The following TAGLN2 variants were observed in gnomAD, a reference collection of about 807,000 sequenced individuals.
TAGLN2 encodes transgelin-2.
A neutral mutation model predicts 24.9 loss-of-function variants in TAGLN2; 14 were observed. That is an observed-to-expected ratio of 0.56 (90% CI 0.37 to 0.88). The LOEUF is 0.88. TAGLN2 is among the 40% of genes least tolerant of loss of function. The pLI, the probability that TAGLN2 is intolerant of heterozygous loss-of-function variation, is 0.00. For synonymous variants in TAGLN2, 77 were observed against 98.2 expected (o/e 0.78, Z 1.28); for missense variants, 208 against 258.9 (o/e 0.80, Z 1.35).
intron 1 of TAGLN2, chr1:159,923,425 T>C (rs1650599104): frequency 6.5e-7 from 1 of 1,549,472 alleles, no homozygotes; most frequent in Admixed American, 2.0e-5. Context: ...GACCCTGGGC[T>C]GGAAGCTTAC....
At position 159,919,259 on chromosome 1, in the gene TAGLN2, C is replaced by G. The variant is rs771683762; in HGVS notation, c.458+15G>C. On this transcript the variant is annotated intron_variant, in intron 4 of 4. Transcript: ENST00000368097. Reference sequence around the variant, plus strand: ...TGCACCTGCTGGACCCTGCGGCTGTCCCAGCAATACTTACTTAGGGAACCA... The same window carrying G: ...TGCACCTGCTGGACCCTGCGGCTGTGCCAGCAATACTTACTTAGGGAACCA... The G allele has an allele frequency of 2.3e-5, 37 of 1,608,508 alleles. No homozygotes were observed. Among genetic ancestry groups the G allele is most frequent in the Non-Finnish European group, 3.1e-5 (36 of 1,175,016 alleles).
chr1:159,924,330 C>G (rs1650635201), intron 1 of TAGLN2, among the ~76,000 whole-genome samples: 1 of 152,146 alleles, frequency 6.6e-6, no homozygotes, highest in Non-Finnish European at 1.5e-5. Context: ...GGAGGAGAAA[C>G]TGGGAGGGGG....
Position 159,920,380 on chromosome 1 carries a change from G to T in TAGLN2, c.130C>A (p.Arg44=). Residue 44 remains arginine (R), a synonymous_variant, in exon 2 of 5, where the codon CGG becomes AGG. Coordinates refer to ENST00000368097, the MANE Select transcript of TAGLN2 (RefSeq NM_003564.3). The part of the protein sequence containing the change: ...ITTQCRKDVG[R]PQPGRENFQN... ...AAGTTCTCGCGTCCAGGCTGGGGCC[G>T]GCCCACATCCTTTCGGCACTGGGTG... 6.2e-7 allele frequency: 1 copy of T among 1,614,184 alleles called. No homozygotes were observed. The highest frequency in any genetic ancestry group is 8.5e-7 in the Non-Finnish European group (1 of 1,180,038).
In TAGLN2 at chr1:159,918,923, A is replaced by G. The variant is rs1650432552; in HGVS notation, c.477T>C (p.Pro159=). The change falls in exon 5 of 5, where the codon CCT becomes CCC. Residue 159 remains proline (P), a synonymous_variant. Transcript: ENST00000368097. The stretch of plus-strand genomic sequence containing the variant: ...GCAGCTGGTTATCCGAGAAGTTCCG[A>G]GGATTCTCCTTGGATTTCCTGGGTG... ...NWFPKKSKEN[P]RNFSDNQLQE... 6.2e-7 allele frequency: 1 copy of G among 1,614,008 alleles called. No individual in the cohort carries two copies. The highest frequency in any genetic ancestry group is 8.5e-7 in the Non-Finnish European group (1 of 1,180,020).
At chr1:159,919,874 C>A (rs1196692662) in intron 2 of TAGLN2, 39 bp from the exon 3 acceptor site, 44 of 1,603,246 alleles carry the variant, frequency 2.7e-5, no homozygotes, top group Non-Finnish European at 3.3e-5. Context: ...TGAGAATATG[C>A]CTACCTATCG....
intron 1 of TAGLN2, chr1:159,923,373 G>C: frequency 6.6e-7 from 1 of 1,526,072 alleles, no homozygotes; most frequent in African/African-American, 1.4e-5. Context: ...TACAATAGGC[G>C]GGAAACGGGG....
In TAGLN2 at chr1:159,918,902, C is replaced by T. The variant is rs1228843932; in HGVS notation, c.498G>A (p.Gln166=). 3.7e-6 allele frequency: 6 copies of T among 1,614,126 alleles called. No homozygotes were observed. The highest frequency in any genetic ancestry group is 2.2e-5 in the East Asian group (1 of 44,906). ...KENPRNFSDN[Q]LQEGKNVIGL... is the part of the protein sequence containing the mutation. The stretch of plus-strand genomic sequence containing the variant: ...CGATCACGTTCTTGCCCTCTTGCAG[C>T]TGGTTATCCGAGAAGTTCCGAGGAT... The change falls in exon 5 of 5, where the codon CAG becomes CAA. Residue 166 remains glutamine, a synonymous_variant. Coordinates refer to ENST00000368097, the MANE Select transcript of TAGLN2 (RefSeq NM_003564.3).
chr1:159,918,657 G>A lies in TAGLN2; in HGVS notation c.*143C>T. 1 of 1,174,384 alleles carries A rather than the reference G, an allele frequency of 8.5e-7. No individual in the cohort carries two copies. The highest frequency in any genetic ancestry group is 1.5e-5 in the South Asian group (1 of 67,138). 72.7% of individuals were successfully genotyped at this position (1,174,384 alleles called of 1,614,324 possible). On this transcript the variant is annotated 3_prime_UTR_variant, in exon 5 of 5. Transcript: ENST00000368097. ...AGAGGATGCCAGCAGGCACCTCAGA[G>A]GTGACAGGACAGGCTGAACCCCCCA...
chr1:159,923,306 A>G, intron 1 of TAGLN2: 1 of 1,106,312 alleles, frequency 9.0e-7, no homozygotes, highest in Non-Finnish European at 1.3e-6. Context: ...GCAGGGAGCA[A>G]CCTAAACCCT....
intron 1 of TAGLN2, among the ~76,000 whole-genome samples, chr1:159,922,229 C>T (rs1650554852): frequency 6.6e-6 from 1 of 152,246 alleles, no homozygotes; most frequent in South Asian, 2.1e-4. Flanking sequence ...TGTCTTGGGC[C>T]AGTCCCTCCC....
At chr1:159,920,132 T>A (rs752157325) in intron 2 of TAGLN2, 198 bp downstream of exon 2, 1 of 908,626 alleles carries the variant, frequency 1.1e-6, no homozygotes, top group African/African-American at 1.6e-5. Context: ...GGGAGGCACA[T>A]TCACCCTTAC....
chr1:159,919,470 T>C (rs1650451937), intron 3 of TAGLN2, 94 bp from the exon 4 acceptor site: 17 of 1,413,282 alleles, frequency 1.2e-5, no homozygotes, highest in Admixed American at 1.8e-5. Flanking sequence ...GGCTTCCTAA[T>C]TATTTCTACT....
At position 159,923,406 on chromosome 1, in the gene TAGLN2, C is replaced by A. The variant is rs1315863589; in HGVS notation, c.-29+2044G>T. ...GGGAGGGGCCACGCAAGGCACTCGGCCCCACCCAGACCCTGGGCTGGAAGC... is the reference window on the plus strand; with the variant it reads ...GGGAGGGGCCACGCAAGGCACTCGGACCCACCCAGACCCTGGGCTGGAAGC... On this transcript the variant is annotated intron_variant, in intron 1 of 4. Coordinates refer to ENST00000368097, the MANE Select transcript of TAGLN2 (RefSeq NM_003564.3). 3 of 1,548,320 alleles carry A rather than the reference C, an allele frequency of 1.9e-6. No individual in the cohort carries two copies. The East Asian group carries it at 7.4e-5, about 38-fold the overall frequency.
At chr1:159,921,014 A>G (rs1369000362) in intron 1 of TAGLN2, among the ~76,000 whole-genome samples, 1 of 152,220 alleles carries the variant, frequency 6.6e-6, no homozygotes, top group African/African-American at 2.4e-5. Context: ...AGTTAAAAGA[A>G]GCAGACGGGC....
chr1:159,925,425 AC>A, intron 1 of TAGLN2, 24 bp downstream of exon 1: 1 of 151,928 alleles, frequency 6.6e-6, no homozygotes, highest in East Asian at 1.9e-4. Context: ...CATGTCCCCG[AC>A]CCCCGTACCC....
chr1:159,922,617 C>CT (rs1395532467), intron 1 of TAGLN2, among the ~76,000 whole-genome samples: 1 of 152,214 alleles, frequency 6.6e-6, no homozygotes, highest in Non-Finnish European at 1.5e-5. Flanking sequence ...AGTAAGCCCC[C>CT]TTTCCGCAGC....
At chr1:159,922,173 G>A (rs1416573144) in intron 1 of TAGLN2, among the ~76,000 whole-genome samples, 1 of 152,090 alleles carries the variant, frequency 6.6e-6, no homozygotes, top group Non-Finnish European at 1.5e-5. Flanking sequence ...AATACAAGGG[G>A]ACCAGCCTGC....
chr1:159,923,707 C>A, intron 1 of TAGLN2: 1 of 398,888 alleles, frequency 2.5e-6, no homozygotes, highest in African/African-American at 2.2e-5. Context: ...TAGGGCAGCC[C>A]CTCACCACCG....
At chr1:159,919,195 G>T in intron 4 of TAGLN2, 79 bp downstream of exon 4, 3 of 1,435,480 alleles carry the variant, frequency 2.1e-6, no homozygotes, top group Non-Finnish European at 2.0e-6. Context: ...CTGCTACTGA[G>T]ATAAGTTATT....
Sources: allele counts gnomAD v4.1 joint callset (sites outside exome capture counted in the v4.1 genomes callset), GRCh38; gene constraint gnomAD v4.1.1; transcripts MANE v1.5; gene names NCBI Gene and HGNC (gene_info 2026-07-23, HGNC 2026-07-21).